SPATA31E1: variants seen among roughly 807,000 people sequenced by gnomAD.
SPATA31E1 encodes SPATA31 subfamily E member 1.
In SPATA31E1, 7 loss-of-function variants were observed where a neutral mutation model predicts 12.9. The observed-to-expected ratio is 0.54, with a 90% confidence interval of 0.31 to 1.02. The LOEUF (loss-of-function observed/expected upper bound fraction) is 1.02. SPATA31E1 is among the 50% of genes least tolerant of loss of function. SPATA31E1 has a pLI of 0.05. For missense variants in SPATA31E1, 1,961 were observed against 1,799.8 expected, an observed-to-expected ratio of 1.09 and a Z score of -1.62; for synonymous variants, 771 against 719.0, an observed-to-expected ratio of 1.07 and a Z score of -1.16.
chr9:87,888,735 C>G lies in SPATA31E1; in HGVS notation c.4248C>G (p.His1416Gln). The change falls in exon 4 of 4, where the codon CAC (histidine) becomes CAG (glutamine). Residue 1416 changes from histidine (H) to glutamine (Q), a missense_variant. Coordinates refer to ENST00000325643, the MANE Select transcript of SPATA31E1 (RefSeq NM_178828.5). ...AGCCTGTGTCCCCAGCTGGTCCCCA[C>G]CACCACAGGCCAAGAATGGCAAGCA... ...PREPVSPAGP[H>Q]HHRPRMASTS... The G allele has an allele frequency of 5.0e-6, 8 of 1,613,794 alleles. No individual in the cohort carries two copies. The highest frequency in any genetic ancestry group is 6.8e-6 in the Non-Finnish European group (8 of 1,180,004).
chr9:87,886,853 G>A lies in SPATA31E1; in HGVS notation c.2366G>A (p.Trp789Ter). 6.2e-7 allele frequency: 1 copy of A among 1,614,140 alleles called. No homozygotes were observed. Among genetic ancestry groups the A allele is most frequent in the Non-Finnish European group, 8.5e-7 (1 of 1,180,036 alleles). Residue 789 changes from tryptophan (W) to a stop codon, truncating the protein, a stop_gained, in exon 4 of 4, where the codon TGG (tryptophan) becomes TAG (stop). Transcript: ENST00000325643. LOFTEE classifies it low-confidence loss of function (END_TRUNC). Reference sequence around the variant, plus strand: ...ATCCCCATGCCTGTGCGTCGCTCCTGGCTCATGGCCAAATGTGCTGTTCCC... The same window carrying A: ...ATCCCCATGCCTGTGCGTCGCTCCTAGCTCATGGCCAAATGTGCTGTTCCC... Reference protein sequence around the residue: ...GWIPMPVRRSWLMAKCAVPKS... With the variant: ...GWIPMPVRRS
At chr9:87,884,796 C>T in intron 3 of SPATA31E1, 117 bp from the exon 4 acceptor site, 1 of 1,463,634 alleles carries the variant, frequency 6.8e-7, no homozygotes, top group Non-Finnish European at 9.3e-7. Flanking sequence ...TTAGGCAGAG[C>T]TTTATGAAGT....
Position 87,885,641 on chromosome 9 carries a change from G to C in SPATA31E1, c.1154G>C (p.Arg385Pro). The change falls in exon 4 of 4, where the codon CGG (arginine) becomes CCG (proline). Residue 385 changes from arginine to proline, a missense_variant. By Grantham distance (103) the Arg-to-Pro change is moderately radical (BLOSUM62 -2). Transcript: ENST00000325643. Reference sequence around the variant, plus strand: ...ATGTGGCAGGAGAAAGAAAGAAAACGGGCCGACCACCCGCACATGACATCA... The same window carrying C: ...ATGTGGCAGGAGAAAGAAAGAAAACCGGCCGACCACCCGCACATGACATCA... ...MKMWQEKERK[R>P]ADHPHMTSLG... 6.2e-7 allele frequency: 1 copy of C among 1,613,772 alleles called. No homozygotes were observed. The highest frequency in any genetic ancestry group is 2.2e-5 in the East Asian group (1 of 44,858).
chr9:87,885,642 G>A lies in SPATA31E1; in HGVS notation c.1155G>A (p.Arg385=), dbSNP rs754055214. Residue 385 remains arginine, a synonymous_variant, in exon 4 of 4, where the codon CGG becomes CGA. Transcript: ENST00000325643. The stretch of plus-strand genomic sequence containing the variant: ...TGTGGCAGGAGAAAGAAAGAAAACG[G>A]GCCGACCACCCGCACATGACATCAC... ...MKMWQEKERK[R]ADHPHMTSLG... is the part of the protein sequence containing the mutation. 1 of 1,613,756 alleles carries A rather than the reference G, an allele frequency of 6.2e-7. No individual in the cohort carries two copies. The highest frequency in any genetic ancestry group is 1.1e-5 in the South Asian group (1 of 91,074).
In SPATA31E1 at chr9:87,886,768, C is replaced by G. The variant is rs752884680; in HGVS notation, c.2281C>G (p.Leu761Val). 8 of 1,614,050 alleles carry G rather than the reference C, an allele frequency of 5.0e-6. No homozygotes were observed. The East Asian group carries it at 1.3e-4, about 27-fold the overall frequency. The change falls in exon 4 of 4, where the codon CTG (leucine) becomes GTG (valine). Residue 761 changes from leucine (L) to valine (V), a missense_variant. By Grantham distance (32) the Leu-to-Val change is conservative (BLOSUM62 1). Transcript: ENST00000325643. ...STPRDPDKEH[L>V]ENKLQIHLAR... ...ACCCAGGGACCCAGACAAGGAGCAT[C>G]TGGAAAACAAGCTGCAAATCCATCT...
rs1458147243 is a variant in SPATA31E1, at chr9:87,886,787, TC to T, written c.2302del (p.His768IlefsTer6). 8 of 1,613,952 alleles carry T rather than the reference TC, an allele frequency of 5.0e-6. No homozygotes were observed. Among genetic ancestry groups the T allele is most frequent in the Non-Finnish European group, 6.8e-6 (8 of 1,180,016 alleles). Reference sequence around the variant, plus strand: ...GAGCATCTGGAAAACAAGCTGCAAATCCATCTGGCCAGGAAGGTAGGGGAGA... The same window carrying T: ...GAGCATCTGGAAAACAAGCTGCAAATCATCTGGCCAGGAAGGTAGGGGAGA... ...DKEHLENKLQ[I>X]HLARKVGEIK... is the part of the protein sequence containing the mutation. On this transcript the variant is annotated frameshift_variant, in exon 4 of 4. Transcript: ENST00000325643. LOFTEE classifies it low-confidence loss of function (END_TRUNC).
In SPATA31E1 at chr9:87,885,548, G is replaced by A. The variant is rs1470152767; in HGVS notation, c.1061G>A (p.Cys354Tyr). ...CCCAAGCACATGGAGGTAGGTGGCT[G>A]CACATTCATCCACCCTGACGTGCAG... ...PTPKHMEVGGCTFIHPDVQKL... is the reference protein window; with the variant it reads ...PTPKHMEVGGYTFIHPDVQKL... The change falls in exon 4 of 4, where the codon TGC becomes TAC. Residue 354 changes from cysteine to tyrosine, a missense_variant. By Grantham distance (194) the Cys-to-Tyr change is radical. Transcript: ENST00000325643. The A allele has an allele frequency of 6.2e-7, 1 of 1,614,176 alleles. No individual in the cohort carries two copies. The highest frequency in any genetic ancestry group is 1.7e-5 in the Admixed American group (1 of 60,030).
rs762522216 is a variant in SPATA31E1, at chr9:87,887,617, A to T, written c.3130A>T (p.Thr1044Ser). The change falls in exon 4 of 4, where the codon ACT becomes TCT. Residue 1044 changes from threonine (T) to serine (S), a missense_variant. By Grantham distance (58) the Thr-to-Ser change is moderately conservative. Coordinates refer to ENST00000325643, the MANE Select transcript of SPATA31E1 (RefSeq NM_178828.5). The stretch of plus-strand genomic sequence containing the variant: ...ACTGAAAGTGGGGGAGAAGCCCCCA[A>T]CTTGGGAAGTCACCTTGGGAGCCAG... ...QALKVGEKPP[T>S]WEVTLGASVR... The T allele has an allele frequency of 1.2e-6, 2 of 1,614,154 alleles. No homozygotes were observed. The highest frequency in any genetic ancestry group is 1.7e-6 in the Non-Finnish European group (2 of 1,180,004).
At position 87,885,093 on chromosome 9, in the gene SPATA31E1, G is replaced by C; in HGVS notation, c.606G>C (p.Leu202=). 6.2e-7 allele frequency: 1 copy of C among 1,614,144 alleles called. No homozygotes were observed. Among genetic ancestry groups the C allele is most frequent in the Non-Finnish European group, 8.5e-7 (1 of 1,180,006 alleles). The change falls in exon 4 of 4, where the codon CTG becomes CTC. Residue 202 remains leucine, a synonymous_variant. Coordinates refer to ENST00000325643, the MANE Select transcript of SPATA31E1 (RefSeq NM_178828.5). ...PAPPAPLAST[L]SPGPMTFSEP... ...CCCCAGCTCCTCTGGCCTCCACCCT[G>C]TCACCAGGCCCGATGACCTTCTCAG...
chr9:87,886,300 GCCT>G lies in SPATA31E1; in HGVS notation c.1817_1819del (p.Ser606del). On this transcript the variant is annotated inframe_deletion, in exon 4 of 4. Coordinates refer to ENST00000325643, the MANE Select transcript of SPATA31E1 (RefSeq NM_178828.5). ...TGCCCACCTTCCCCAAGAGAGGCCG[GCCT>G]CCTGGAGCCCCAAGTCAGCCCCCAT... is the stretch of plus-strand genomic sequence containing the variant. 6.2e-7 allele frequency: 1 copy of G among 1,613,662 alleles called. No homozygotes were observed. The highest frequency in any genetic ancestry group is 8.5e-7 in the Non-Finnish European group (1 of 1,180,006).
In SPATA31E1 at chr9:87,885,383, C is replaced by A; in HGVS notation, c.896C>A (p.Ser299Tyr). 1 of 1,613,964 alleles carries A rather than the reference C, an allele frequency of 6.2e-7. No individual in the cohort carries two copies. Among genetic ancestry groups the A allele is most frequent in the Non-Finnish European group, 8.5e-7 (1 of 1,179,932 alleles). The change falls in exon 4 of 4, where the codon TCC (serine) becomes TAC (tyrosine). Residue 299 changes from serine (S) to tyrosine (Y), a missense_variant. Coordinates refer to ENST00000325643, the MANE Select transcript of SPATA31E1 (RefSeq NM_178828.5). ...PTRVISGLGC[S>Y]SDPIWDLYCW... ...AGGGTGATCTCTGGCCTGGGGTGCT[C>A]CAGCGATCCCATCTGGGACCTCTAT...
intron 3 of SPATA31E1, 118 bp downstream of exon 3, chr9:87,884,769 GA>G: frequency 6.7e-7 from 1 of 1,495,674 alleles, no homozygotes; most frequent in Non-Finnish European, 9.2e-7. Flanking sequence ...GGAGGGGACT[GA>G]AGCCCTGGGG....
In SPATA31E1 at chr9:87,885,150, C is replaced by T; in HGVS notation, c.663C>T (p.Ala221=). 6 of 1,614,172 alleles carry T rather than the reference C, an allele frequency of 3.7e-6. No homozygotes were observed. The highest frequency in any genetic ancestry group is 5.1e-6 in the Non-Finnish European group (6 of 1,180,028). Reference sequence around the variant, plus strand: ...TTGGACCACACTCAACCCTGAGTGCCTCCGGGCCACCAGAGCCCTTGCTTC... The same window carrying T: ...TTGGACCACACTCAACCCTGAGTGCTTCCGGGCCACCAGAGCCCTTGCTTC... ...EPFGPHSTLS[A]SGPPEPLLPL... The change falls in exon 4 of 4, where the codon GCC becomes GCT. Residue 221 remains alanine, a synonymous_variant. Coordinates refer to ENST00000325643, the MANE Select transcript of SPATA31E1 (RefSeq NM_178828.5).
At position 87,885,969 on chromosome 9, in the gene SPATA31E1, G is replaced by T; in HGVS notation, c.1482G>T (p.Pro494=). Residue 494 remains proline, a synonymous_variant, in exon 4 of 4, where the codon CCG becomes CCT. Coordinates refer to ENST00000325643, the MANE Select transcript of SPATA31E1 (RefSeq NM_178828.5). ...CATCCTCACAGCTTTCCCAGGCACC[G>T]CCCCAGCCCCACCACATGGCCCAGC... ...VEASSQLSQA[P]PQPHHMAQPQ... 1.2e-6 allele frequency: 2 copies of T among 1,613,190 alleles called. No homozygotes were observed. Among genetic ancestry groups the T allele is most frequent in the East Asian group, 2.2e-5 (1 of 44,830 alleles).
intron 2 of SPATA31E1, 124 bp from the exon 3 acceptor site, chr9:87,884,467 G>A (rs930718853): frequency 2.0e-6 from 2 of 993,002 alleles, no homozygotes; most frequent in African/African-American, 1.6e-5. Context: ...TGTGGCCTCG[G>A]ACACAGATGC....
chr9:87,886,264 A>C lies in SPATA31E1; in HGVS notation c.1777A>C (p.Ser593Arg), dbSNP rs751613604. 13 of 1,613,714 alleles carry C rather than the reference A, an allele frequency of 8.1e-6. No individual in the cohort carries two copies. Among genetic ancestry groups the C allele is most frequent in the African/African-American group, 1.3e-5 (1 of 74,872 alleles). ...CCTCAAAAAGTCTCAGGCTGTTCTG[A>C]GCCAGCCCACTGCCCACCTTCCCCA... Reference protein sequence around the residue: ...SLLKKSQAVLSQPTAHLPQER... With the variant: ...SLLKKSQAVLRQPTAHLPQER... Residue 593 changes from serine (S) to arginine (R), a missense_variant, in exon 4 of 4, where the codon AGC (serine) becomes CGC (arginine). Coordinates refer to ENST00000325643, the MANE Select transcript of SPATA31E1 (RefSeq NM_178828.5).
Position 87,887,199 on chromosome 9 carries a change from A to G in SPATA31E1, c.2712A>G (p.Gly904=), listed in dbSNP as rs1187391401. The G allele has an allele frequency of 6.2e-7, 1 of 1,613,980 alleles. No homozygotes were observed. The highest frequency in any genetic ancestry group is 8.5e-7 in the Non-Finnish European group (1 of 1,180,044). The change falls in exon 4 of 4, where the codon GGA becomes GGG. Residue 904 remains glycine (G), a synonymous_variant. Coordinates refer to ENST00000325643, the MANE Select transcript of SPATA31E1 (RefSeq NM_178828.5). ...FLGKRPQNGP[G]DNRTTSKSVP... is the part of the protein sequence containing the mutation. ...GAAAACGTCCTCAGAATGGTCCAGG[A>G]GACAACAGAACAACAAGCAAGTCAG... is the stretch of plus-strand genomic sequence containing the variant.
In SPATA31E1 at chr9:87,884,075, C is replaced by A. The variant is rs780387841; in HGVS notation, c.364+29C>A. The A allele has an allele frequency of 1.0e-5, 16 of 1,576,924 alleles. No individual in the cohort carries two copies. The South Asian group carries it at 1.9e-4, about 18-fold the overall frequency. On this transcript the variant is annotated intron_variant, in intron 2 of 3. Coordinates refer to ENST00000325643, the MANE Select transcript of SPATA31E1 (RefSeq NM_178828.5). ...AGGCTCTGCTGCCCCCCGGGACTCC[C>A]CAGAGGTAACTGAGCTTTGCCTGTC...
chr9:87,885,584 A>AG lies in SPATA31E1; in HGVS notation c.1098dup (p.Thr367AspfsTer58), dbSNP rs761255850. 2 of 1,614,056 alleles carry AG rather than the reference A, an allele frequency of 1.2e-6. No individual in the cohort carries two copies. Among genetic ancestry groups the AG allele is most frequent in the African/African-American group, 2.7e-5 (2 of 74,940 alleles). ...CACCCTGACGTGCAGAAGCTGCTGG[A>AG]GACCCTCATCGCCAAGAGAGCACTG... On this transcript the variant is annotated frameshift_variant, in exon 4 of 4. Transcript: ENST00000325643. LOFTEE classifies it low-confidence loss of function (END_TRUNC).
Sources: gnomAD v4.1 joint callset for allele counts on GRCh38, gnomAD v4.1.1 for gene constraint, MANE v1.5 for transcripts, NCBI Gene and HGNC (gene_info 2026-07-23, HGNC 2026-07-21) for gene names.